PCDHA9: variants seen among roughly 807,000 people sequenced by gnomAD.
The protein encoded by PCDHA9 is protocadherin alpha 9.
A neutral mutation model predicts 62.0 loss-of-function variants in PCDHA9; 62 were observed. That is an observed-to-expected ratio of 1.00 (90% CI 0.81 to 1.23). The LOEUF is 1.23. Ranked by LOEUF, PCDHA9 falls within the 50% of genes most tolerant of loss-of-function variation. The pLI is 0.00. For synonymous variants in PCDHA9, 557 were observed against 567.6 expected (o/e 0.98, Z 0.27); for missense variants, 1,205 against 1,249.8 (o/e 0.96, Z 0.54).
intron 1 of PCDHA9, among the ~76,000 whole-genome samples, chr5:140,945,740 C>A (rs966678098): frequency 5.9e-5 from 9 of 151,998 alleles, no homozygotes; most frequent in African/African-American, 2.2e-4. Flanking sequence ...AAAAGGACAG[C>A]CTCTTCAATA....
At position 140,928,737 on chromosome 5, in the gene PCDHA9, A is replaced by G. The variant is rs140056024; in HGVS notation, c.2395-50212A>G. On this transcript the variant is annotated intron_variant, in intron 1 of 3. Coordinates refer to ENST00000532602, the MANE Select transcript of PCDHA9 (RefSeq NM_031857.2). ...GTCTCTTTAGAATTTCAGCCAATAT[A>G]GGTGAGCTCCGTACTGCTCGCTTAG... is the stretch of plus-strand genomic sequence containing the variant. 5.6e-6 allele frequency: 9 copies of G among 1,614,000 alleles called. No homozygotes were observed. In the African/African-American group the frequency reaches 8.0e-5, roughly 14 times the overall value.
At chr5:140,954,135 T>C (rs1281133424) in intron 1 of PCDHA9, among the ~76,000 whole-genome samples, 1 of 152,220 alleles carries the variant, frequency 6.6e-6, no homozygotes, top group Non-Finnish European at 1.5e-5. Context: ...TATGGATGCA[T>C]AGTATTCCAT....
intron 1 of PCDHA9, chr5:140,856,142 T>G (rs1554148241): frequency 6.3e-7 from 1 of 1,598,118 alleles, no homozygotes; most frequent in East Asian, 2.2e-5. Flanking sequence ...CCAGCTCCAC[T>G]ACTCAGTCTA....
At position 140,918,978 on chromosome 5, in the gene PCDHA9, G is replaced by C. The variant is rs1363137172; in HGVS notation, c.2395-59971G>C. On this transcript the variant is annotated intron_variant, in intron 1 of 3. Transcript: ENST00000532602. Reference sequence around the variant, plus strand: ...ACTAAGACAGATATCGTTTAGGTTAGTTGGTTTTTAGTGTTGTTCACATCT... The same window carrying C: ...ACTAAGACAGATATCGTTTAGGTTACTTGGTTTTTAGTGTTGTTCACATCT... Among the ~76,000 whole-genome samples, 5 of 152,204 alleles carry C rather than the reference G, an allele frequency of 3.3e-5. No homozygotes were observed. In the South Asian group the frequency reaches 8.3e-4, roughly 25 times the overall value.
Position 141,010,344 on chromosome 5 carries a change from G to A in PCDHA9, c.*407G>A, listed in dbSNP as rs1011321402. On this transcript the variant is annotated 3_prime_UTR_variant, in exon 4 of 4. Coordinates refer to ENST00000532602, the MANE Select transcript of PCDHA9 (RefSeq NM_031857.2). Reference sequence around the variant, plus strand: ...CAGCTTGGGAGTTTGTGGCCACTGGGTATGTGTGGCTACCGCGGGTATGCG... The same window carrying A: ...CAGCTTGGGAGTTTGTGGCCACTGGATATGTGTGGCTACCGCGGGTATGCG... 3 of 1,518,888 alleles carry A rather than the reference G, an allele frequency of 2.0e-6. No homozygotes were observed. The Admixed American group carries it at 6.4e-5, about 33-fold the overall frequency. 94.1% of individuals were successfully genotyped at this position (1,518,888 alleles called of 1,614,324 possible).
In PCDHA9 at chr5:140,868,915, G is replaced by C. The variant is rs1164548445; in HGVS notation, c.2394+18026G>C. On this transcript the variant is annotated intron_variant, in intron 1 of 3. Coordinates refer to ENST00000532602, the MANE Select transcript of PCDHA9 (RefSeq NM_031857.2). ...GCAAGGTGTCGCTCTTTACTTGGTG[G>C]AAAGTTCATTTAAAGGTTGGTCTGA... The C allele has an allele frequency of 7.4e-6, 7 of 948,738 alleles. No individual in the cohort carries two copies. In the East Asian group the frequency reaches 1.6e-4, roughly 22 times the overall value. The allele number at this position is 948,738 out of a possible 1,614,324, so 58.8% of individuals were successfully genotyped here. A position where few individuals can be genotyped will look rare whatever the true frequency, so the allele number is the denominator to read the frequency against.
At chr5:140,883,038 A>G (rs782789489) in intron 1 of PCDHA9, 3 of 1,614,160 alleles carry the variant, frequency 1.9e-6, no homozygotes, top group East Asian at 2.2e-5. Context: ...AACGCCTTCA[A>G]TGGAACATTA....
intron 1 of PCDHA9, among the ~76,000 whole-genome samples, chr5:140,879,219 A>G (rs2057906971): frequency 6.6e-6 from 1 of 152,252 alleles, no homozygotes; most frequent in South Asian, 2.1e-4. Context: ...AATGAATTGA[A>G]AAAGACATAT....
intron 1 of PCDHA9, among the ~76,000 whole-genome samples, chr5:140,962,051 T>C (rs1352018533): frequency 2.0e-5 from 3 of 151,838 alleles, no homozygotes; most frequent in Admixed American, 6.6e-5. Context: ...GCCTGGCTAA[T>C]TTTTTTGTAT....
At chr5:140,967,699 T>C (rs781874469) in intron 1 of PCDHA9, 9 of 1,614,154 alleles carry the variant, frequency 5.6e-6, no homozygotes, top group Non-Finnish European at 7.6e-6. Context: ...TCAGCATAGA[T>C]GCCAGTACCG....
intron 1 of PCDHA9, chr5:140,882,748 A>C: frequency 1.2e-6 from 2 of 1,614,258 alleles, no homozygotes; most frequent in Non-Finnish European, 1.7e-6. Flanking sequence ...CATCCGATGC[A>C]GATATTGGAG....
At chr5:140,903,386 T>C (rs1053060392) in intron 1 of PCDHA9, among the ~76,000 whole-genome samples, 3 of 152,222 alleles carry the variant, frequency 2.0e-5, no homozygotes, top group Non-Finnish European at 4.4e-5. Context: ...TTGTGGTTAC[T>C]TCTAGAAACA....
At chr5:140,978,397 C>G (rs2096799745) in intron 1 of PCDHA9, among the ~76,000 whole-genome samples, 1 of 152,080 alleles carries the variant, frequency 6.6e-6, no homozygotes, top group Non-Finnish European at 1.5e-5. Flanking sequence ...CCCTAGTATC[C>G]CTCTTCAATC....
At chr5:140,887,062 C>A (rs1183265871) in intron 1 of PCDHA9, among the ~76,000 whole-genome samples, 2 of 151,718 alleles carry the variant, frequency 1.3e-5, no homozygotes, top group African/African-American at 4.8e-5. Flanking sequence ...GTTCTGGCAA[C>A]AAATTCACTC....
At chr5:140,978,222 G>A (rs997273847) in intron 1 of PCDHA9, among the ~76,000 whole-genome samples, 7 of 152,298 alleles carry the variant, frequency 4.6e-5, no homozygotes, top group East Asian at 1.9e-4. Context: ...AATGTATCAG[G>A]TTTTTCTTGG....
chr5:140,858,998 T>G, intron 1 of PCDHA9: 1 of 151,598 alleles, frequency 6.6e-6, no homozygotes, highest in East Asian at 1.9e-4. Context: ...TTGGTAAAAA[T>G]TTCTTAATCT....
chr5:140,887,317 C>T lies in PCDHA9; in HGVS notation c.2394+36428C>T, dbSNP rs10066665. ...TTCATCTTGTTAGCCAGGATAGTCT[C>T]GAACTCCTGACCTCGTGATCCACCT... On this transcript the variant is annotated intron_variant, in intron 1 of 3. Transcript: ENST00000532602. Among the ~76,000 whole-genome samples the T allele has an allele frequency of 7.3e-3, 1,116 of 152,162 alleles. 15 individuals carry two copies. The highest frequency in any genetic ancestry group is 0.025 in the African/African-American group (1,043 of 41,520).
chr5:140,939,215 G>C (rs1251785254), intron 1 of PCDHA9, among the ~76,000 whole-genome samples: 1 of 152,154 alleles, frequency 6.6e-6, no homozygotes, highest in African/African-American at 2.4e-5. Context: ...CCTTCTTGCT[G>C]TCTCTTCACC....
chr5:140,955,998 G>A (rs1194688184), intron 1 of PCDHA9, among the ~76,000 whole-genome samples: 1 of 152,174 alleles, frequency 6.6e-6, no homozygotes, highest in Non-Finnish European at 1.5e-5. Context: ...CATTGATTTT[G>A]TATCCTGAGA....
Sources: allele counts gnomAD v4.1 joint callset (sites outside exome capture counted in the v4.1 genomes callset), GRCh38; gene constraint gnomAD v4.1.1; transcripts MANE v1.5; gene names NCBI Gene and HGNC (gene_info 2026-07-23, HGNC 2026-07-21).